The following DMPK variants were observed in gnomAD, a reference collection of about 807,000 sequenced individuals.
The protein encoded by DMPK is DM1 protein kinase, also known as myotonin-protein kinase.
Under a neutral mutation model 70.3 loss-of-function variants are expected in DMPK, and 32 were observed. The observed-to-expected ratio is 0.46, with a 90% CI of 0.34 to 0.61. The LOEUF (loss-of-function observed/expected upper bound fraction) is 0.61. Ranked by LOEUF, DMPK falls within the 20% of genes least tolerant of loss-of-function variation. DMPK has a pLI of 0.01. For missense variants in DMPK, 899 were observed against 886.0 expected (o/e 1.01, Z -0.19); for synonymous variants, 469 against 390.9 (o/e 1.20, Z -2.36).
In DMPK at chr19:45,777,363, C is replaced by T; in HGVS notation, c.1110G>A (p.Val370=). The T allele has an allele frequency of 1.2e-6, 2 of 1,602,826 alleles. No individual in the cohort carries two copies. Among genetic ancestry groups the T allele is most frequent in the Non-Finnish European group, 1.7e-6 (2 of 1,173,168 alleles). Residue 370 remains valine, a synonymous_variant, in exon 8 of 15, where the codon GTG becomes GTA. Transcript: ENST00000291270. The surrounding 1 kb of genome is among the most constrained non-coding windows in gnomAD (Gnocchi z 6.7). ...GATDTCNFDL[V]EDGLTAMVSG... is the part of the protein sequence containing the mutation. ...TCACCATGGCAGTGAGCCCGTCCTC[C>T]ACCAAGTCGAAGTTGCATGTGTCGG... is the stretch of plus-strand genomic sequence containing the variant.
At chr19:45,782,158 C>A in intron 1 of DMPK, 35 bp downstream of exon 1, 2 of 1,327,870 alleles carry the variant, frequency 1.5e-6, no homozygotes, top group Non-Finnish European at 2.0e-6. Flanking sequence ...CCCACCCCCA[C>A]CCCATCTGCA....
chr19:45,780,734 T>G, intron 1 of DMPK: 8 of 442,168 alleles, frequency 1.8e-5, no homozygotes, highest in South Asian at 8.8e-5. Context: ...AAGAGAGGGG[T>G]TCCGGGGGGT....
chr19:45,771,304 C>T, intron 13 of DMPK, 46 bp downstream of exon 13: 2 of 1,559,368 alleles, frequency 1.3e-6, no homozygotes, highest in Non-Finnish European at 1.7e-6. Flanking sequence ...AGGGGATCTG[C>T]AGAATGGGCA....
chr19:45,770,526 C>A lies in DMPK; in HGVS notation c.1852G>T (p.Ala618Ser), dbSNP rs997926293. The change falls in exon 15 of 15, where the codon GCA (alanine) becomes TCA (serine). Residue 618 changes from alanine (A) to serine (S), a missense_variant. Ala to Ser is a moderately conservative substitution (Grantham distance 99). Coordinates refer to ENST00000291270, the MANE Select transcript of DMPK (RefSeq NM_004409.5). ...GLVAHAGQLT[A>S]VWRRPGAARA... ...GCGGCTCCTGGGCGGCGCCAGACTGCGGTGAGTTGGCCGGCGTGGGCCACC... is the reference window on the plus strand; with the variant it reads ...GCGGCTCCTGGGCGGCGCCAGACTGAGGTGAGTTGGCCGGCGTGGGCCACC... The A allele has an allele frequency of 1.3e-6, 2 of 1,550,494 alleles. No homozygotes were observed. The highest frequency in any genetic ancestry group is 2.7e-5 in the African/African-American group (2 of 73,040).
intron 9 of DMPK, among the ~76,000 whole-genome samples, chr19:45,774,196 C>T (rs1006570718): frequency 1.2e-4 from 18 of 151,872 alleles, no homozygotes; most frequent in African/African-American, 4.4e-4. Flanking sequence ...AGGTGATCCA[C>T]CCACCTCATC....
chr19:45,773,175 G>A (rs1402906314), intron 9 of DMPK, among the ~76,000 whole-genome samples: 1 of 152,184 alleles, frequency 6.6e-6, no homozygotes, highest in East Asian at 1.9e-4. Flanking sequence ...ACCCCAAGAT[G>A]GCAACTTGAG....
chr19:45,778,332 C>T (rs1363293161), intron 5 of DMPK, 112 bp from the exon 6 acceptor site: 4 of 1,361,498 alleles, frequency 2.9e-6, no homozygotes, highest in East Asian at 2.5e-5. Flanking sequence ...CGGGTTCCGC[C>T]CCTGTAGGGC....
chr19:45,770,893 G>T, intron 14 of DMPK, 78 bp downstream of exon 14: 2 of 1,163,186 alleles, frequency 1.7e-6, no homozygotes, highest in Non-Finnish European at 2.3e-6. Context: ...CCCCGCAAAT[G>T]CGCAGCTAAG....
Position 45,777,344 on chromosome 19 carries a change from T to A in DMPK, c.1129A>T (p.Met377Leu), listed in dbSNP as rs1196326196. The A allele has an allele frequency of 5.0e-6, 8 of 1,589,428 alleles. No homozygotes were observed. ...GTACCTACCCCGCCCCCGCTCACCA[T>A]GGCAGTGAGCCCGTCCTCCACCAAG... ...FDLVEDGLTA[M>L]VSGGGETLSD... The change falls in exon 8 of 15, where the codon ATG becomes TTG. Residue 377 changes from methionine (M) to leucine (L), a missense_variant. By Grantham distance (15) the Met-to-Leu change is conservative. This residue lies in a region of DMPK where 555 missense variants were observed against 483.8 expected (regional missense o/e 1.15). Transcript: ENST00000291270. This position sits in a 1 kb window ranked among gnomAD's most constrained non-coding sequence, Gnocchi z 6.7.
rs371639503 is a variant in DMPK at position 45,782,383 on chromosome 19, G to A, written c.-31C>T. The A allele has an allele frequency of 4.8e-5, 73 of 1,524,240 alleles. 1 individual carries two copies. The highest frequency in any genetic ancestry group is 1.5e-4 in the African/African-American group (11 of 72,000). 94.4% of individuals were successfully genotyped at this position (1,524,240 alleles called of 1,614,324 possible). ...ACAGGCAGCACCATGGCCCCTCCCC[G>A]GGCCGGGGGCTCGGGGTCCTCCTGT... On this transcript the variant is annotated 5_prime_UTR_variant, in exon 1 of 15. Transcript: ENST00000291270.
At chr19:45,772,868 A>G in intron 9 of DMPK, 116 bp from the exon 10 acceptor site, 1 of 537,974 alleles carries the variant, frequency 1.9e-6, no homozygotes, top group East Asian at 3.6e-5. Context: ...TGATTTGAGG[A>G]AGGGGAGCAG....
In DMPK at chr19:45,771,792, G is replaced by C; in HGVS notation, c.1481C>G (p.Thr494Arg). ...SLSREMEAIR[T>R]DNQNFASQLR... ...CGACCTGGCGAAGTTCTGGTTGTCCGTGCGGATGGCCTCCATCTCCCGGCT... is the reference window on the plus strand; with the variant it reads ...CGACCTGGCGAAGTTCTGGTTGTCCCTGCGGATGGCCTCCATCTCCCGGCT... The change falls in exon 11 of 15, where the codon ACG (threonine) becomes AGG (arginine). Residue 494 changes from threonine to arginine, a missense_variant. By Grantham distance (71) the Thr-to-Arg change is moderately conservative (BLOSUM62 -1). Coordinates refer to ENST00000291270, the MANE Select transcript of DMPK (RefSeq NM_004409.5). 1 of 1,569,394 alleles carries C rather than the reference G, an allele frequency of 6.4e-7. No individual in the cohort carries two copies. The highest frequency in any genetic ancestry group is 8.6e-7 in the Non-Finnish European group (1 of 1,157,130).
intron 1 of DMPK, among the ~76,000 whole-genome samples, chr19:45,780,945 C>T (rs1970081010): frequency 1.3e-5 from 2 of 152,116 alleles, no homozygotes; most frequent in Admixed American, 6.5e-5. Context: ...ACCCCTACCC[C>T]ACCCGGTCTC....
intron 13 of DMPK, 59 bp from the exon 14 acceptor site, chr19:45,771,119 G>A: frequency 7.5e-7 from 1 of 1,341,186 alleles, no homozygotes; most frequent in South Asian, 1.3e-5. Flanking sequence ...CAGCGGTGGG[G>A]CGAGAGACAG....
In DMPK at chr19:45,770,363, G is replaced by C. The variant is rs1157328510; in HGVS notation, c.*125C>G. 5 of 1,295,318 alleles carry C rather than the reference G, an allele frequency of 3.9e-6. No homozygotes were observed. The highest frequency in any genetic ancestry group is 5.4e-6 in the Non-Finnish European group (5 of 920,314). 80.2% of individuals were successfully genotyped at this position (1,295,318 alleles called of 1,614,324 possible). On this transcript the variant is annotated 3_prime_UTR_variant, in exon 15 of 15. Coordinates refer to ENST00000291270, the MANE Select transcript of DMPK (RefSeq NM_004409.5). ...GGGGGCGGGCCCGGATCACAGGACTGGAGCTGGGCGGAGACCCACGCTCGG... is the reference window on the plus strand; with the variant it reads ...GGGGGCGGGCCCGGATCACAGGACTCGAGCTGGGCGGAGACCCACGCTCGG...
chr19:45,778,646 G>A lies in DMPK; in HGVS notation c.433-5C>T, dbSNP rs1167332307. On this transcript the variant is annotated splice_region_variant and splice_polypyrimidine_tract_variant and intron_variant, in intron 4 of 14. Transcript: ENST00000291270. ...GTAATACTCCATGACCAGGTACTGA[G>A]AAGGGGTTCGTCATGGGTGGTTGGT... 5 of 1,613,084 alleles carry A rather than the reference G, an allele frequency of 3.1e-6. No homozygotes were observed. Among genetic ancestry groups the A allele is most frequent in the Middle Eastern group, 1.7e-4 (1 of 6,058 alleles).
chr19:45,782,328 G>A lies in DMPK; in HGVS notation c.25C>T (p.Arg9Trp), dbSNP rs754161431. Residue 9 changes from arginine (R) to tryptophan (W), a missense_variant, in exon 1 of 15, where the codon CGG becomes TGG. Transcript: ENST00000291270. MSAEVRLR[R>W]LQQLVLDPGF... ...GGGTCCAACACCAGCTGCTGGAGCCGCCTCAGCCGCACCTCGGCTGACATG... is the reference window on the plus strand; with the variant it reads ...GGGTCCAACACCAGCTGCTGGAGCCACCTCAGCCGCACCTCGGCTGACATG... The A allele has an allele frequency of 1.5e-5, 24 of 1,581,456 alleles. No homozygotes were observed. In the Admixed American group the frequency reaches 2.0e-4, roughly 13 times the overall value.
At chr19:45,771,750 G>A (rs1459573245) in intron 11 of DMPK, 21 bp downstream of exon 11, 3 of 1,587,682 alleles carry the variant, frequency 1.9e-6, no homozygotes, top group Non-Finnish European at 1.7e-6. Flanking sequence ...TCCCGGCCCC[G>A]GCCCCGGCCC....
At chr19:45,770,712 C>T (rs1306987164) in intron 14 of DMPK, 72 bp from the exon 15 acceptor site, 5 of 1,486,836 alleles carry the variant, frequency 3.4e-6, no homozygotes, top group Non-Finnish European at 4.5e-6. Flanking sequence ...CCCGCCTACG[C>T]CCATAGGTGG....
Sources: gnomAD v4.1 joint callset for allele counts (sites outside exome capture counted in the v4.1 genomes callset) on GRCh38, gnomAD v4.1.1 for gene constraint, gnomAD v4.1.1 regional missense constraint, Gnocchi (gnomAD v3.1) non-coding constraint, MANE v1.5 for transcripts, NCBI Gene and HGNC (gene_info 2026-07-23, HGNC 2026-07-21) for gene names.